Variants in TEAD1 observed in about 807,000 individuals in gnomAD.
TEAD1 encodes the protein transcriptional enhancer factor TEF-1.
A neutral mutation model predicts 54.9 loss-of-function variants in TEAD1; 9 were observed. That is an observed-to-expected ratio of 0.16 (90% CI 0.10 to 0.29). The LOEUF (loss-of-function observed/expected upper bound fraction) is 0.29. Among genes scored for constraint, TEAD1 ranks in the 10% least tolerant of loss-of-function variants. The pLI is 1.00. For synonymous variants in TEAD1, 200 were observed against 187.8 expected (o/e 1.07, Z -0.53); for missense variants, 387 against 535.9 (o/e 0.72, Z 2.74).
chr11:12,868,814 C>G (rs1224796890), intron 5 of TEAD1, among the ~76,000 whole-genome samples: 5 of 152,028 alleles, frequency 3.3e-5, no homozygotes, highest in Admixed American at 2.6e-4. Context: ...AGAATTGAAT[C>G]CAGAGTTTCT....
chr11:12,691,881 A>T (rs1490138483), intron 2 of TEAD1, among the ~76,000 whole-genome samples: 2 of 152,186 alleles, frequency 1.3e-5, no homozygotes, highest in African/African-American at 4.8e-5. Flanking sequence ...ATAAATATTG[A>T]TTGAATTAAG....
chr11:12,853,117 T>A (rs1470789646), intron 3 of TEAD1, among the ~76,000 whole-genome samples: 1 of 152,194 alleles, frequency 6.6e-6, no homozygotes, highest in African/African-American at 2.4e-5. Context: ...TAGCACATGT[T>A]TCAGGCACGT....
At chr11:12,844,038 T>G (rs1160594117) in intron 3 of TEAD1, among the ~76,000 whole-genome samples, 1 of 152,242 alleles carries the variant, frequency 6.6e-6, no homozygotes, top group Non-Finnish European at 1.5e-5. Context: ...TCAAGTTATT[T>G]TCTTTGGAGA....
At chr11:12,837,179 G>A (rs1447570624) in intron 3 of TEAD1, among the ~76,000 whole-genome samples, 4 of 152,098 alleles carry the variant, frequency 2.6e-5, no homozygotes, top group Non-Finnish European at 4.4e-5. Context: ...AGAGTAAAAG[G>A]GACGGTATAA....
At chr11:12,711,722 C>G (rs930274330) in intron 2 of TEAD1, among the ~76,000 whole-genome samples, 1 of 152,134 alleles carries the variant, frequency 6.6e-6, no homozygotes, top group African/African-American at 2.4e-5. Flanking sequence ...AAGGAAACTG[C>G]TAAAGAAGCA....
intron 7 of TEAD1, 39 bp from the exon 8 acceptor site, chr11:12,881,857 G>A (rs1359502597): frequency 6.2e-7 from 1 of 1,608,132 alleles, no homozygotes; most frequent in African/African-American, 1.3e-5. Context: ...TGCTGCAGAT[G>A]CGATCTCTTA....
chr11:12,741,715 A>G (rs1390852693), intron 2 of TEAD1, among the ~76,000 whole-genome samples: 6 of 152,046 alleles, frequency 3.9e-5, no homozygotes, highest in Non-Finnish European at 7.4e-5. Flanking sequence ...CAGGTTCAGG[A>G]TATTAAAGAG....
At chr11:12,850,233 C>T (rs1466284847) in intron 3 of TEAD1, among the ~76,000 whole-genome samples, 2 of 152,128 alleles carry the variant, frequency 1.3e-5, no homozygotes, top group African/African-American at 2.4e-5. Flanking sequence ...GTCAGGAGTT[C>T]GAGCCCAGCA....
intron 2 of TEAD1, among the ~76,000 whole-genome samples, chr11:12,735,398 GC>G (rs1444672981): frequency 6.6e-6 from 1 of 152,108 alleles, no homozygotes; most frequent in Non-Finnish European, 1.5e-5. Flanking sequence ...TTATCCCACT[GC>G]TGTGGTTCTT....
chr11:12,723,044 A>AT (rs1239932048), intron 2 of TEAD1, among the ~76,000 whole-genome samples: 1 of 149,246 alleles, frequency 6.7e-6, no homozygotes, highest in African/African-American at 2.5e-5. Flanking sequence ...CTTATTGTGG[A>AT]TTTTTTCCTT....
chr11:12,764,100 A>G, intron 2 of TEAD1, 79 bp from the exon 3 acceptor site: 1 of 881,706 alleles, frequency 1.1e-6, no homozygotes. Context: ...TGGTGACTGA[A>G]GAACTTGCAC....
chr11:12,860,543 C>T (rs1422484015), intron 3 of TEAD1, among the ~76,000 whole-genome samples: 5 of 152,186 alleles, frequency 3.3e-5, no homozygotes, highest in African/African-American at 7.2e-5. Flanking sequence ...TTTTGATGTT[C>T]GTCTTCATCA....
At chr11:12,797,292 C>T (rs1945952500) in intron 3 of TEAD1, among the ~76,000 whole-genome samples, 1 of 151,302 alleles carries the variant, frequency 6.6e-6, no homozygotes, top group African/African-American at 2.4e-5. Flanking sequence ...ATCAGTCCTT[C>T]TCCTCTTAGC....
At chr11:12,895,510 C>T (rs1166540033) in intron 9 of TEAD1, among the ~76,000 whole-genome samples, 1 of 152,208 alleles carries the variant, frequency 6.6e-6, no homozygotes, top group Non-Finnish European at 1.5e-5. Flanking sequence ...GAAAGCTTTG[C>T]AGTCTGACCC....
chr11:12,676,142 C>A (rs1943082222), intron 2 of TEAD1, among the ~76,000 whole-genome samples: 1 of 152,236 alleles, frequency 6.6e-6, no homozygotes, highest in African/African-American at 2.4e-5. Flanking sequence ...AAGCCTGCCA[C>A]ATTTCAAAAT....
intron 2 of TEAD1, among the ~76,000 whole-genome samples, chr11:12,698,065 G>GT (rs1943624525): frequency 1.3e-5 from 2 of 151,048 alleles, no homozygotes; most frequent in South Asian, 4.2e-4. Flanking sequence ...GACCAGAGGG[G>GT]TTTAGACTTT....
At chr11:12,769,651 G>A (rs1002309586) in intron 3 of TEAD1, among the ~76,000 whole-genome samples, 1 of 152,118 alleles carries the variant, frequency 6.6e-6, no homozygotes, top group Non-Finnish European at 1.5e-5. Flanking sequence ...GGGTCTCCAG[G>A]CCTTGGCAAA....
chr11:12,843,547 T>C (rs756882305), intron 3 of TEAD1, among the ~76,000 whole-genome samples: 1 of 152,228 alleles, frequency 6.6e-6, no homozygotes, highest in African/African-American at 2.4e-5. Flanking sequence ...TTAGAGTAAA[T>C]TATAAATGCT....
rs1163140936 is a variant in TEAD1 at position 12,735,557 on chromosome 11, G to T, written c.-54-28622G>T. 2.7e-5 allele frequency among the ~76,000 whole-genome samples: 4 copies of T among 148,594 alleles called. No individual in the cohort carries two copies. In the East Asian group the frequency reaches 7.8e-4, roughly 29 times the overall value. On this transcript the variant is annotated intron_variant, in intron 2 of 12. Coordinates refer to ENST00000527636, the MANE Select transcript of TEAD1 (RefSeq NM_021961.6). ...CCCGCCCTCCTTGTCGCCTTTCCTG[G>T]TTCGATTTTTTTTTTTTTTTTTTGG...
Sources: gnomAD v4.1 joint callset for allele counts (sites outside exome capture counted in the v4.1 genomes callset) on GRCh38, gnomAD v4.1.1 for gene constraint, MANE v1.5 for transcripts, NCBI Gene and HGNC (gene_info 2026-07-23, HGNC 2026-07-21) for gene names.